Variants in DEPTOR observed in about 807,000 individuals in gnomAD.
The protein encoded by DEPTOR is DEP domain-containing mTOR-interacting protein.
Under a neutral mutation model 41.6 loss-of-function variants are expected in DEPTOR, and 41 were observed. That is an observed-to-expected ratio of 0.98 (90% confidence interval 0.77 to 1.28). The LOEUF is 1.28. DEPTOR is among the 50% of genes most tolerant of loss of function. The pLI, the probability that DEPTOR is intolerant of heterozygous loss-of-function variation, is 0.00. For missense variants in DEPTOR, 514 were observed against 527.9 expected (o/e 0.97, Z 0.26); for synonymous variants, 195 against 192.3 (o/e 1.01, Z -0.12).
chr8:120,018,554 G>A (rs1445362601), intron 8 of DEPTOR, among the ~76,000 whole-genome samples: 1 of 152,128 alleles, frequency 6.6e-6, no homozygotes, highest in Non-Finnish European at 1.5e-5. Flanking sequence ...GCTCCAGCTT[G>A]TGCAACAGAG....
chr8:119,994,566 A>T (rs997036368), intron 4 of DEPTOR, among the ~76,000 whole-genome samples: 1 of 152,192 alleles, frequency 6.6e-6, no homozygotes, highest in African/African-American at 2.4e-5. Context: ...TTATGATTTC[A>T]TACGTTTTTC....
rs779962970 is a variant in DEPTOR at position 119,929,785 on chromosome 8, A to G, written c.302-30A>G. ...TTAAATAAGAGCGATTTTTTTTCTC[A>G]TTTGCTTCTCTGTGCATATTGTGTT... On this transcript the variant is annotated intron_variant, in intron 2 of 8. Transcript: ENST00000286234. 1.9e-5 allele frequency: 30 copies of G among 1,562,582 alleles called. No homozygotes were observed. In the Admixed American group the frequency reaches 5.8e-4, roughly 30 times the overall value.
intron 4 of DEPTOR, among the ~76,000 whole-genome samples, chr8:119,993,357 C>T (rs934988844): frequency 2.0e-5 from 3 of 152,136 alleles, no homozygotes; most frequent in African/African-American, 7.2e-5. Context: ...GCTACATCTG[C>T]TTTTCTTCCT....
intron 1 of DEPTOR, among the ~76,000 whole-genome samples, chr8:119,917,940 A>G (rs1563965245): frequency 6.6e-6 from 1 of 152,244 alleles, no homozygotes; most frequent in Non-Finnish European, 1.5e-5. Context: ...GTTTATGTGT[A>G]TACATATCTA....
intron 8 of DEPTOR, among the ~76,000 whole-genome samples, chr8:120,019,961 T>A (rs1812673903): frequency 6.6e-6 from 1 of 152,120 alleles, no homozygotes; most frequent in Non-Finnish European, 1.5e-5. Flanking sequence ...TCTGACTGAT[T>A]TCATTGGATT....
At position 120,004,509 on chromosome 8, in the gene DEPTOR, G is replaced by T. The variant is rs527535793; in HGVS notation, c.925+1398G>T. Among the ~76,000 whole-genome samples, 11 of 152,262 alleles carry T rather than the reference G, an allele frequency of 7.2e-5. 1 individual carries two copies. The highest frequency in any genetic ancestry group is 6.2e-4 in the South Asian group (3 of 4,826). ...CAAAAGATCTCAGTTTCAATAAAAG[G>T]GTCAGTGGTGCCATAACCATTTTAC... On this transcript the variant is annotated intron_variant, in intron 6 of 8. Transcript: ENST00000286234.
At chr8:120,004,257 T>C (rs1214472376) in intron 6 of DEPTOR, among the ~76,000 whole-genome samples, 1 of 152,220 alleles carries the variant, frequency 6.6e-6, no homozygotes, top group Non-Finnish European at 1.5e-5. Context: ...TAACTTTTTT[T>C]CTTTTTTTGC....
At chr8:120,039,346 T>A (rs190307157) in intron 8 of DEPTOR, among the ~76,000 whole-genome samples, 259 of 152,346 alleles carry the variant, frequency 1.7e-3, no homozygotes, top group Non-Finnish European at 2.6e-3. Context: ...TGGTATTTGA[T>A]GTTTGTTGTA....
chr8:119,941,310 T>C (rs905575076), intron 3 of DEPTOR, among the ~76,000 whole-genome samples: 4 of 143,398 alleles, frequency 2.8e-5, no homozygotes, highest in Non-Finnish European at 4.5e-5. Context: ...GAGGCAGAGA[T>C]TGCAGTGAGC....
At chr8:119,935,996 G>GTTTTT (rs1201688321) in intron 3 of DEPTOR, among the ~76,000 whole-genome samples, 119 of 102,764 alleles carry the variant, frequency 1.2e-3, no homozygotes, top group African/African-American at 4.2e-3. Flanking sequence ...CATTAGTCTA[G>GTTTTT]TTGTTTTTTT....
rs1812493290 is a variant in DEPTOR at position 120,009,146 on chromosome 8, C to A, written c.1101+13C>A. ...AGCAGGAATGAAGGTACTAACGGGT[C>A]TTTCTCACCCTCTTTTATATCTGTC... On this transcript the variant is annotated intron_variant, in intron 8 of 8. Transcript: ENST00000286234. The A allele has an allele frequency of 6.2e-7, 1 of 1,608,828 alleles. No homozygotes were observed. Among genetic ancestry groups the A allele is most frequent in the East Asian group, 2.2e-5 (1 of 44,840 alleles).
intron 8 of DEPTOR, among the ~76,000 whole-genome samples, chr8:120,030,363 C>T (rs1205063798): frequency 6.6e-6 from 1 of 152,004 alleles, no homozygotes; most frequent in Non-Finnish European, 1.5e-5. Context: ...AGGGGCACTA[C>T]TCTGTCTGAT....
At chr8:120,042,225 C>T (rs1033400618) in intron 8 of DEPTOR, among the ~76,000 whole-genome samples, 6 of 152,092 alleles carry the variant, frequency 3.9e-5, no homozygotes, top group East Asian at 1.9e-4. Flanking sequence ...GAGGTAGTCA[C>T]GCGTTCTGTG....
chr8:119,974,112 G>A (rs1828666819), intron 4 of DEPTOR, among the ~76,000 whole-genome samples: 1 of 150,806 alleles, frequency 6.6e-6, no homozygotes, highest in Admixed American at 6.6e-5. Flanking sequence ...GGAAAAGAAG[G>A]TACTAACTGG....
chr8:119,909,555 G>T (rs181101246), intron 1 of DEPTOR, among the ~76,000 whole-genome samples: 47 of 152,294 alleles, frequency 3.1e-4, no homozygotes, highest in Non-Finnish European at 7.4e-5. Flanking sequence ...TGGCATGAAA[G>T]GTGTAAATAT....
chr8:119,966,339 G>A (rs780779079), intron 4 of DEPTOR, among the ~76,000 whole-genome samples: 11 of 152,244 alleles, frequency 7.2e-5, no homozygotes, highest in East Asian at 1.9e-4. Flanking sequence ...TGTGGTGCAC[G>A]TCTGTAATCC....
chr8:119,986,603 A>T (rs1012812970), intron 4 of DEPTOR, among the ~76,000 whole-genome samples: 1 of 152,026 alleles, frequency 6.6e-6, no homozygotes, highest in African/African-American at 2.4e-5. Context: ...GTTCTCCTGG[A>T]TAATATCCTG....
chr8:119,934,858 A>G (rs919121252), intron 3 of DEPTOR, among the ~76,000 whole-genome samples: 4 of 152,086 alleles, frequency 2.6e-5, no homozygotes, highest in Admixed American at 6.6e-5. Context: ...CTATCTAGTA[A>G]ATGGAGATAC....
chr8:119,880,115 C>A (rs1423641823), intron 1 of DEPTOR, among the ~76,000 whole-genome samples: 1 of 151,286 alleles, frequency 6.6e-6, no homozygotes, highest in East Asian at 1.9e-4. Context: ...GCACTCCAGC[C>A]TGGGTGACAG....
Sources: gnomAD v4.1 joint callset for allele counts (sites outside exome capture counted in the v4.1 genomes callset) on GRCh38, gnomAD v4.1.1 for gene constraint, MANE v1.5 for transcripts, NCBI Gene and HGNC (gene_info 2026-07-23, HGNC 2026-07-21) for gene names.